Variants in ANKRD26 observed in about 807,000 individuals in gnomAD.
ANKRD26 encodes ankyrin repeat domain 26, also known as ankyrin repeat domain-containing protein 26.
Under a neutral mutation model 208.7 loss-of-function variants are expected in ANKRD26, and 141 were observed. That is an observed-to-expected ratio of 0.68 (90% CI 0.59 to 0.78). ANKRD26 has a LOEUF of 0.78. Among genes scored for constraint, ANKRD26 ranks in the 30% least tolerant of loss-of-function variants. ANKRD26 has a pLI of 0.00. For synonymous variants in ANKRD26, 636 were observed against 660.4 expected, an observed-to-expected ratio of 0.96 and a Z score of 0.57; for missense variants, 1,889 against 1,938.7, an observed-to-expected ratio of 0.97 and a Z score of 0.48.
Position 27,044,152 on chromosome 10 carries a change from A to G in ANKRD26, c.2019+5T>C. ...ATAATTTTGATAATTTATTTTTTACAGTACCTTGTTCTTTTCATTAGATGT... is the reference window on the plus strand; with the variant it reads ...ATAATTTTGATAATTTATTTTTTACGGTACCTTGTTCTTTTCATTAGATGT... On this transcript the variant is annotated splice_donor_5th_base_variant and intron_variant, in intron 19 of 33. Coordinates refer to ENST00000376087, the MANE Select transcript of ANKRD26 (RefSeq NM_014915.3). The G allele has an allele frequency of 7.2e-7, 1 of 1,392,746 alleles. No individual in the cohort carries two copies. Among genetic ancestry groups the G allele is most frequent in the Non-Finnish European group, 9.8e-7 (1 of 1,023,300 alleles). 86.3% of individuals were successfully genotyped at this position (1,392,746 alleles called of 1,614,324 possible).
At chr10:27,052,331 A>G in intron 16 of ANKRD26, 1 of 226,440 alleles carries the variant, frequency 4.4e-6, no homozygotes, top group South Asian at 1.6e-4. Flanking sequence ...GTTCCTTTGG[A>G]TTAAACTTAA....
chr10:27,091,002 A>G (rs960415384), intron 4 of ANKRD26, among the ~76,000 whole-genome samples: 7 of 152,142 alleles, frequency 4.6e-5, no homozygotes, highest in African/African-American at 1.7e-4. Context: ...AGGCTGAGGC[A>G]GGGGGATTGC....
chr10:27,052,617 A>G (rs181497751), intron 16 of ANKRD26, among the ~76,000 whole-genome samples: 2 of 152,156 alleles, frequency 1.3e-5, no homozygotes, highest in African/African-American at 4.8e-5. Context: ...TATAAACTAT[A>G]TAAGACTTAA....
At chr10:27,097,554 A>G (rs1394655079) in intron 1 of ANKRD26, among the ~76,000 whole-genome samples, 1 of 152,216 alleles carries the variant, frequency 6.6e-6, no homozygotes, top group Non-Finnish European at 1.5e-5. Context: ...AAGAATGGAA[A>G]AATCATTAGG....
chr10:26,955,513 A>G, the ANKRD26 span, among the ~76,000 whole-genome samples: 2 of 152,142 alleles, frequency 1.3e-5, no homozygotes, highest in African/African-American at 4.8e-5. Flanking sequence ...ATATGTGTAT[A>G]AATATGTTCC....
In ANKRD26 at chr10:27,035,489, C is replaced by A; in HGVS notation, c.2961G>T (p.Met987Ile). 1.2e-6 allele frequency: 2 copies of A among 1,613,992 alleles called. No homozygotes were observed. The highest frequency in any genetic ancestry group is 2.2e-5 in the South Asian group (2 of 91,070). Reference sequence around the variant, plus strand: ...TTTCATTCTCCAGTTTAGAATTTAGCATTGCATTCTCAGCTGTCAGAACAC... The same window carrying A: ...TTTCATTCTCCAGTTTAGAATTTAGAATTGCATTCTCAGCTGTCAGAACAC... Reference protein sequence around the residue: ...RLSVLTAENAMLNSKLENEKQ... With the variant: ...RLSVLTAENAILNSKLENEKQ... Residue 987 changes from methionine to isoleucine, a missense_variant, in exon 24 of 34, where the codon ATG becomes ATT. This residue lies in a region of ANKRD26 where 1,272 missense variants were observed against 1,273.8 expected (regional missense o/e 1.00). Coordinates refer to ENST00000376087, the MANE Select transcript of ANKRD26 (RefSeq NM_014915.3).
intron 9 of ANKRD26, among the ~76,000 whole-genome samples, chr10:27,069,920 C>T (rs527723038): frequency 1.7e-3 from 253 of 152,000 alleles, no homozygotes; most frequent in African/African-American, 5.7e-3. Context: ...TGGTTCAAAA[C>T]CAGCCTGGAT....
At chr10:27,002,856 C>A (rs536508484), downstream of ANKRD26, among the ~76,000 whole-genome samples, 21 of 152,296 alleles carry the variant, frequency 1.4e-4, no homozygotes, top group Non-Finnish European at 2.4e-4. Context: ...TGATTTAACA[C>A]AGCACCACCA....
chr10:27,097,644 TG>T (rs2056512509), intron 1 of ANKRD26, among the ~76,000 whole-genome samples: 1 of 110,326 alleles, frequency 9.1e-6, no homozygotes, highest in African/African-American at 3.5e-5. Flanking sequence ...ATCTTTTTTT[TG>T]TTTTGTTTTG....
chr10:27,051,930 T>C (rs2054676701), intron 16 of ANKRD26: 1 of 985,272 alleles, frequency 1.0e-6, no homozygotes, highest in African/African-American at 1.7e-5. Context: ...TAAGTTATTT[T>C]TCCACTCTAA....
the ANKRD26 span, among the ~76,000 whole-genome samples, chr10:26,951,013 C>CT: frequency 9.9e-3 from 999 of 100,688 alleles, 117 homozygotes; most frequent in African/African-American, 0.052. Flanking sequence ...CTTTTCTTTT[C>CT]TTTTTCTTTT....
chr10:27,093,248 A>C (rs2056356905), intron 3 of ANKRD26, 101 bp downstream of exon 3: 1 of 1,068,180 alleles, frequency 9.4e-7, no homozygotes, highest in South Asian at 1.4e-5. Flanking sequence ...TCAGTCAGGG[A>C]ATGCTTGCGC....
chr10:27,053,428 A>C, intron 15 of ANKRD26, 38 bp from the exon 16 acceptor site: 1 of 1,367,514 alleles, frequency 7.3e-7, no homozygotes. Flanking sequence ...TGAACTACTT[A>C]GAACAGTTAG....
intron 19 of ANKRD26, 40 bp from the exon 20 acceptor site, chr10:27,043,607 T>G (rs768311888): frequency 3.2e-6 from 5 of 1,577,062 alleles, no homozygotes; most frequent in East Asian, 2.2e-5. Flanking sequence ...GTCCCCAGAA[T>G]ATTTATAGCA....
chr10:27,095,981 C>T (rs922785189), intron 1 of ANKRD26, among the ~76,000 whole-genome samples: 4 of 151,756 alleles, frequency 2.6e-5, no homozygotes, highest in Admixed American at 6.6e-5. Context: ...AATGGATTCT[C>T]CCTCCCACCA....
intron 6 of ANKRD26, among the ~76,000 whole-genome samples, chr10:27,082,076 GGA>G (rs796239080): frequency 0.011 from 434 of 38,412 alleles, 2 homozygotes; most frequent in African/African-American, 0.03. Context: ...AAAAAAAAAG[GGA>G]GAGAGAGAAA....
rs2053163354 is a variant in ANKRD26 at position 27,012,866 on chromosome 10, A to G, written c.4953+16T>C. On this transcript the variant is annotated intron_variant, in intron 32 of 33. Coordinates refer to ENST00000376087, the MANE Select transcript of ANKRD26 (RefSeq NM_014915.3). ...AGAAATTTGAAACCCAAAGGAAAAA[A>G]GACAACATAACTAACCTTGCTCAAG... 1 of 1,605,008 alleles carries G rather than the reference A, an allele frequency of 6.2e-7. No homozygotes were observed. Among genetic ancestry groups the G allele is most frequent in the Non-Finnish European group, 8.5e-7 (1 of 1,172,054 alleles).
intron 29 of ANKRD26, among the ~76,000 whole-genome samples, chr10:27,019,213 G>C (rs957599196): frequency 6.6e-6 from 1 of 152,226 alleles, no homozygotes. Flanking sequence ...CCAGGAGGCG[G>C]AGCTTGCAGT....
Position 27,024,447 on chromosome 10 carries a change from C to T in ANKRD26, c.4085G>A (p.Gly1362Glu). 2 of 1,431,958 alleles carry T rather than the reference C, an allele frequency of 1.4e-6. No homozygotes were observed. Among genetic ancestry groups the T allele is most frequent in the South Asian group, 1.2e-5 (1 of 82,528 alleles). The allele number at this position is 1,431,958 out of a possible 1,614,324, so 88.7% of individuals were successfully genotyped here. A position where few individuals can be genotyped will look rare whatever the true frequency, so the allele number is the denominator to read the frequency against. ...KNVELEREIT[G>E]FKNLLKMTRK... Reference sequence around the variant, plus strand: ...ATGATCTGAAATATTAAAATCTTACCCAGTTATCTCTCTTTCTAATTCAAC... The same window carrying T: ...ATGATCTGAAATATTAAAATCTTACTCAGTTATCTCTCTTTCTAATTCAAC... Residue 1362 changes from glycine (G) to glutamate (E), a missense_variant and splice_region_variant, in exon 28 of 34, where the codon GGA (glycine) becomes GAA (glutamate). Gly to Glu is a moderately conservative substitution (Grantham distance 98, BLOSUM62 -2). This residue lies in a region of ANKRD26 where 613 missense variants were observed against 648.2 expected (regional missense o/e 0.95). Transcript: ENST00000376087.
Sources: allele counts gnomAD v4.1 joint callset (sites outside exome capture counted in the v4.1 genomes callset), GRCh38; gene constraint gnomAD v4.1.1; regional missense constraint gnomAD v4.1.1; transcripts MANE v1.5; gene names NCBI Gene and HGNC (gene_info 2026-07-23, HGNC 2026-07-21).